FILIP1L: variants seen among roughly 807,000 people sequenced by gnomAD.
FILIP1L encodes the protein filamin A-interacting protein 1-like.
Under a neutral mutation model 96.6 loss-of-function variants are expected in FILIP1L, and 55 were observed. The ratio of observed to expected loss-of-function variants is 0.57; its 90% CI spans 0.46 to 0.71. The LOEUF (loss-of-function observed/expected upper bound fraction) is 0.71. FILIP1L is among the 30% of genes least tolerant of loss of function. FILIP1L has a pLI of 0.00. For missense variants in FILIP1L, 1,304 were observed against 1,321.2 expected, an observed-to-expected ratio of 0.99 and a Z score of 0.20; for synonymous variants, 467 against 473.9, an observed-to-expected ratio of 0.99 and a Z score of 0.19.
intron 4 of FILIP1L, among the ~76,000 whole-genome samples, chr3:99,895,346 C>A (rs557260519): frequency 6.6e-6 from 1 of 150,486 alleles, no homozygotes; most frequent in Non-Finnish European, 1.5e-5. Context: ...CAGTTGGTCT[C>A]ATATATTTAG....
intron 1 of FILIP1L, among the ~76,000 whole-genome samples, chr3:99,991,890 A>ATG (rs1195158383): frequency 2.0e-5 from 3 of 148,950 alleles, no homozygotes; most frequent in African/African-American, 2.5e-5. Flanking sequence ...ATATGTATAT[A>ATG]TGTGTGTATA....
chr3:99,981,764 A>G (rs1481451521), intron 1 of FILIP1L, among the ~76,000 whole-genome samples: 2 of 152,150 alleles, frequency 1.3e-5, no homozygotes, highest in African/African-American at 2.4e-5. Flanking sequence ...CTTTACCCAA[A>G]AGAGGAAGAA....
rs147179830 is a variant in FILIP1L, at chr3:100,070,118, G to A, written c.-11+43935C>T. ...GAAAGAGGCCGTGGATTTGGACAGT[G>A]ATACCAAACAGCTAACATGAAGTGC... is the stretch of plus-strand genomic sequence containing the variant. On this transcript the variant is annotated intron_variant, in intron 1 of 5. Transcript: ENST00000477258. Among the ~76,000 whole-genome samples, 678 of 152,302 alleles carry A rather than the reference G, an allele frequency of 4.5e-3. 7 individuals carry two copies. Among genetic ancestry groups the A allele is most frequent in the African/African-American group, 0.016 (664 of 41,548 alleles).
chr3:99,985,283 A>G (rs774821314), intron 1 of FILIP1L, among the ~76,000 whole-genome samples: 7 of 152,130 alleles, frequency 4.6e-5, no homozygotes, highest in Non-Finnish European at 8.8e-5. Flanking sequence ...TGTAATTCCA[A>G]CACTTTGGTA....
At chr3:99,905,940 C>T (rs949001235) in intron 4 of FILIP1L, among the ~76,000 whole-genome samples, 1 of 152,140 alleles carries the variant, frequency 6.6e-6, no homozygotes, top group African/African-American at 2.4e-5. Context: ...TGCTTGTAGT[C>T]CCAGCAGTTT....
intron 4 of FILIP1L, among the ~76,000 whole-genome samples, chr3:99,861,285 A>G (rs1002917400): frequency 1.3e-5 from 2 of 152,162 alleles, no homozygotes; most frequent in African/African-American, 4.8e-5. Context: ...TAATCCTCCA[A>G]AGCCTACCTG....
At chr3:99,906,884 T>C (rs1250498353) in intron 4 of FILIP1L, among the ~76,000 whole-genome samples, 3 of 152,214 alleles carry the variant, frequency 2.0e-5, no homozygotes, top group Non-Finnish European at 4.4e-5. Context: ...TACCATGCCC[T>C]ATAACAGAGA....
At chr3:99,942,869 GA>G (rs1221012933) in intron 1 of FILIP1L, among the ~76,000 whole-genome samples, 2 of 151,654 alleles carry the variant, frequency 1.3e-5, no homozygotes, top group African/African-American at 2.4e-5. Flanking sequence ...TTTCTTAAAA[GA>G]AAAAAAGAGA....
chr3:99,884,596 T>C (rs1356563548), intron 4 of FILIP1L, among the ~76,000 whole-genome samples: 2 of 152,176 alleles, frequency 1.3e-5, no homozygotes, highest in Non-Finnish European at 2.9e-5. Context: ...TGGGATTCTG[T>C]AGGAGGACCA....
chr3:100,100,187 C>T (rs1280861192), intron 1 of FILIP1L, among the ~76,000 whole-genome samples: 1 of 151,978 alleles, frequency 6.6e-6, no homozygotes, highest in East Asian at 1.9e-4. Flanking sequence ...GGTGTGTGGG[C>T]TCTGGGGGCA....
At chr3:99,892,792 C>T (rs894454218) in intron 4 of FILIP1L, among the ~76,000 whole-genome samples, 6 of 152,202 alleles carry the variant, frequency 3.9e-5, no homozygotes, top group African/African-American at 1.2e-4. Context: ...AAGAGAATGA[C>T]ATAACTAGCT....
chr3:99,885,423 C>T (rs1358106245), intron 4 of FILIP1L, among the ~76,000 whole-genome samples: 1 of 152,094 alleles, frequency 6.6e-6, no homozygotes. Context: ...AGACTATGCC[C>T]CTTAGAGTTA....
chr3:99,995,211 C>G (rs1387959698), intron 1 of FILIP1L, among the ~76,000 whole-genome samples: 1 of 152,082 alleles, frequency 6.6e-6, no homozygotes. Context: ...ACAGCTGTTC[C>G]AAATGGAAGA....
At chr3:100,005,567 A>G (rs941184477) in intron 1 of FILIP1L, among the ~76,000 whole-genome samples, 2 of 152,246 alleles carry the variant, frequency 1.3e-5, no homozygotes, top group Non-Finnish European at 2.9e-5. Flanking sequence ...ACCAAATTTT[A>G]CAAGAATAAC....
At chr3:99,894,679 A>T (rs1706192211) in intron 4 of FILIP1L, among the ~76,000 whole-genome samples, 1 of 152,214 alleles carries the variant, frequency 6.6e-6, no homozygotes, top group Admixed American at 6.5e-5. Context: ...CATAAAAACG[A>T]TATTATTAAT....
intron 4 of FILIP1L, among the ~76,000 whole-genome samples, chr3:99,896,754 T>C (rs1330115528): frequency 6.6e-6 from 1 of 152,214 alleles, no homozygotes; most frequent in Non-Finnish European, 1.5e-5. Context: ...TGAGATTCTA[T>C]AAGGTTCCAG....
chr3:99,990,956 A>T (rs1709492630), intron 1 of FILIP1L, among the ~76,000 whole-genome samples: 1 of 152,168 alleles, frequency 6.6e-6, no homozygotes, highest in Non-Finnish European at 1.5e-5. Context: ...TTTGGTTGGA[A>T]ATAAAAGTCT....
At chr3:100,053,709 G>A (rs2065413231) in intron 1 of FILIP1L, among the ~76,000 whole-genome samples, 1 of 152,108 alleles carries the variant, frequency 6.6e-6, no homozygotes, top group South Asian at 2.1e-4. Context: ...GCATTTAGGG[G>A]TCTACACTTG....
chr3:100,029,920 G>A (rs914847064), intron 1 of FILIP1L, among the ~76,000 whole-genome samples: 2 of 152,136 alleles, frequency 1.3e-5, no homozygotes, highest in Admixed American at 1.3e-4. Flanking sequence ...AAGAGATCTT[G>A]GAACGTTTAG....
Sources: gnomAD v4.1 joint callset for allele counts (sites outside exome capture counted in the v4.1 genomes callset) on GRCh38, gnomAD v4.1.1 for gene constraint, MANE v1.5 for transcripts, NCBI Gene and HGNC (gene_info 2026-07-23, HGNC 2026-07-21) for gene names.